The following MATN2 variants were observed in gnomAD, a reference collection of about 807,000 sequenced individuals.
MATN2 encodes the protein matrilin 2.
MATN2 carries 69 observed loss-of-function variants against 103.2 expected under a neutral mutation model. That is an observed-to-expected ratio of 0.67 (90% CI 0.55 to 0.82). The LOEUF is 0.82. MATN2 is among the 40% of genes least tolerant of loss of function. The probability of loss-of-function intolerance (pLI) is 0.00; values close to 1 mark genes in which losing one functional copy is unlikely to be tolerated. For synonymous variants in MATN2, 429 were observed against 450.2 expected (o/e 0.95, Z 0.60); for missense variants, 1,023 against 1,211.5 (o/e 0.84, Z 2.31).
At chr8:97,939,772 A>G (rs1232040495) in intron 3 of MATN2, among the ~76,000 whole-genome samples, 2 of 152,252 alleles carry the variant, frequency 1.3e-5, no homozygotes, top group Non-Finnish European at 2.9e-5. Flanking sequence ...TTTAGTGAGT[A>G]GGCAAATTCA....
intron 1 of MATN2, among the ~76,000 whole-genome samples, chr8:97,870,617 G>A (rs1429028490): frequency 6.6e-6 from 1 of 152,182 alleles, no homozygotes; most frequent in Non-Finnish European, 1.5e-5. Flanking sequence ...TGCAGAAATA[G>A]CAAGGAGCTG....
intron 6 of MATN2, among the ~76,000 whole-genome samples, chr8:97,979,303 G>A (rs1456720615): frequency 3.9e-5 from 6 of 152,180 alleles, no homozygotes; most frequent in Non-Finnish European, 8.8e-5. Context: ...TGCTAACTCA[G>A]CCTGACTGTG....
chr8:97,893,997 T>A (rs1168622228), intron 2 of MATN2, among the ~76,000 whole-genome samples: 2 of 152,238 alleles, frequency 1.3e-5, no homozygotes, highest in African/African-American at 4.8e-5. Context: ...CTAACTAAAC[T>A]TGAAAGCCTT....
Position 97,870,246 on chromosome 8 carries a change from C to T in MATN2, c.-27+959C>T, listed in dbSNP as rs181667940. On this transcript the variant is annotated intron_variant, in intron 1 of 18. Transcript: ENST00000254898. ...TTAAATGAGATATGGCGGCCGGGCA[C>T]GGTGGCTCAGGGCTGTCATCCCAGC... is the stretch of plus-strand genomic sequence containing the variant. Among the ~76,000 whole-genome samples, 666 of 152,268 alleles carry T rather than the reference C, an allele frequency of 4.4e-3. 4 individuals carry two copies. Among genetic ancestry groups the T allele is most frequent in the African/African-American group, 0.015 (619 of 41,562 alleles).
At chr8:97,942,044 TTC>T in intron 4 of MATN2, 145 bp downstream of exon 4, 3 of 1,031,204 alleles carry the variant, frequency 2.9e-6, no homozygotes, top group Non-Finnish European at 4.2e-6. Context: ...GTTTGGTATT[TTC>T]TGTTGACCCC....
intron 2 of MATN2, among the ~76,000 whole-genome samples, chr8:97,904,459 G>A (rs1343522211): frequency 6.6e-6 from 1 of 152,166 alleles, no homozygotes. Flanking sequence ...CCAGTGCTTT[G>A]TTTCTGTAGG....
chr8:97,987,231 C>T (rs1021218641), intron 6 of MATN2, among the ~76,000 whole-genome samples: 1 of 152,014 alleles, frequency 6.6e-6, no homozygotes, highest in African/African-American at 2.4e-5. Context: ...GGAATTTGTC[C>T]ATTTCATCTT....
At chr8:98,024,505 A>AAAC (rs35489233) in intron 13 of MATN2, among the ~76,000 whole-genome samples, 24,894 of 151,708 alleles carry the variant, frequency 0.16, 2,159 homozygotes, top group African/African-American at 0.21. Context: ...ATGCCATCTC[A>AAAC]AACAACAACA....
intron 4 of MATN2, among the ~76,000 whole-genome samples, chr8:97,960,905 C>T (rs1045972241): frequency 1.3e-5 from 2 of 152,194 alleles, no homozygotes; most frequent in Non-Finnish European, 2.9e-5. Context: ...ACCTCCGCCT[C>T]CTGAGTTCAA....
At chr8:98,032,588 G>C (rs1187151830) in intron 16 of MATN2, among the ~76,000 whole-genome samples, 1 of 152,118 alleles carries the variant, frequency 6.6e-6, no homozygotes, top group Admixed American at 6.5e-5. Context: ...CTGGAGTGCA[G>C]TGGTACGATT....
chr8:98,000,596 C>CAAAAAAAAAAAAAAAAAAAAAA (rs67682756), intron 7 of MATN2, among the ~76,000 whole-genome samples: 7 of 49,656 alleles, frequency 1.4e-4, no homozygotes, highest in African/African-American at 1.9e-4. Context: ...GACTCCGTCT[C>CAAAAAAAAAAAAAAAAAAAAAA]AAAAAAAAAA....
At chr8:98,034,426 A>C in intron 18 of MATN2, 3 of 288,226 alleles carry the variant, frequency 1.0e-5, no homozygotes, top group South Asian at 9.4e-5. Flanking sequence ...ATTCTGAACT[A>C]TCTCTGTGCC....
At chr8:97,894,613 C>T (rs1215648352) in intron 2 of MATN2, among the ~76,000 whole-genome samples, 1 of 151,952 alleles carries the variant, frequency 6.6e-6, no homozygotes. Flanking sequence ...TGAACCATTC[C>T]TCCTGGCAGA....
rs557988132 is a variant in MATN2, at chr8:97,955,968, G to A, written c.836-5440G>A. Among the ~76,000 whole-genome samples, 4 of 152,336 alleles carry A rather than the reference G, an allele frequency of 2.6e-5. No homozygotes were observed. The South Asian group carries it at 6.2e-4, about 24-fold the overall frequency. On this transcript the variant is annotated intron_variant, in intron 4 of 18. Coordinates refer to ENST00000254898, the MANE Select transcript of MATN2 (RefSeq NM_002380.5). ...AGATGTCATTGTGTTCTTGATGCAG[G>A]ACAAGTGAGCCCCAAAGTGGGGCTT...
Position 98,036,007 on chromosome 8 carries a change from T to C in MATN2, c.*295T>C. The C allele has an allele frequency of 3.8e-6, 1 of 259,944 alleles. No homozygotes were observed. Among genetic ancestry groups the C allele is most frequent in the Non-Finnish European group, 7.2e-6 (1 of 138,722 alleles). 16.1% of individuals were successfully genotyped at this position (259,944 alleles called of 1,614,324 possible). On this transcript the variant is annotated 3_prime_UTR_variant, in exon 19 of 19. Transcript: ENST00000254898. Reference sequence around the variant, plus strand: ...GACACAACTTGCTTCTGCCTCATCCTGCCTTAGTGTGCAATCTCATTTGAC... The same window carrying C: ...GACACAACTTGCTTCTGCCTCATCCCGCCTTAGTGTGCAATCTCATTTGAC...
Position 98,005,267 on chromosome 8 carries a change from C to T in MATN2, c.1327+1484C>T, listed in dbSNP as rs1812929314. Among the ~76,000 whole-genome samples the T allele has an allele frequency of 6.6e-6, 1 of 152,238 alleles. No individual in the cohort carries two copies. The highest frequency in any genetic ancestry group is 2.1e-4 in the South Asian group (1 of 4,832). ...CTGGAAAGTGGTGCCAAAGTCAGTG[C>T]CTGCTGTACGTTGCCTCTGCATGTC... On this transcript the variant is annotated intron_variant, in intron 8 of 18. Transcript: ENST00000254898. This position sits in a 1 kb window ranked among gnomAD's most constrained non-coding sequence, Gnocchi z 4.6.
intron 2 of MATN2, among the ~76,000 whole-genome samples, chr8:97,915,727 A>G (rs2130088094): frequency 6.6e-6 from 1 of 152,366 alleles, no homozygotes; most frequent in East Asian, 1.9e-4. Flanking sequence ...TTATTCAGTT[A>G]AAGTGCCCCT....
intron 10 of MATN2, among the ~76,000 whole-genome samples, chr8:98,009,643 C>T (rs1384844037): frequency 1.3e-5 from 2 of 152,214 alleles, no homozygotes; most frequent in East Asian, 1.9e-4. Flanking sequence ...CCCTCCCTTC[C>T]TCCAGCCCCC....
At chr8:97,989,241 G>A (rs545493934) in intron 6 of MATN2, among the ~76,000 whole-genome samples, 223 of 152,198 alleles carry the variant, frequency 1.5e-3, no homozygotes, top group Middle Eastern at 6.8e-3. Context: ...AGGCCGAGGC[G>A]GGCGGATCAT....
Sources: gnomAD v4.1 joint callset for allele counts (sites outside exome capture counted in the v4.1 genomes callset) on GRCh38, gnomAD v4.1.1 for gene constraint, Gnocchi (gnomAD v3.1) non-coding constraint, MANE v1.5 for transcripts, NCBI Gene and HGNC (gene_info 2026-07-23, HGNC 2026-07-21) for gene names.